ZFP90: variants seen among roughly 807,000 people sequenced by gnomAD.
ZFP90 encodes ZFP90 zinc finger protein, also known as zinc finger protein 90 homolog.
In ZFP90, 38 loss-of-function variants were observed where a neutral mutation model predicts 60.8. The ratio of observed to expected loss-of-function variants is 0.62; its 90% CI spans 0.48 to 0.82. The LOEUF is 0.82. Among genes scored for constraint, ZFP90 ranks in the 40% least tolerant of loss-of-function variants. The pLI, the probability that ZFP90 is intolerant of heterozygous loss-of-function variation, is 0.00. For missense variants in ZFP90, 711 were observed against 759.1 expected, an observed-to-expected ratio of 0.94 and a Z score of 0.74; for synonymous variants, 287 against 264.8, an observed-to-expected ratio of 1.08 and a Z score of -0.82.
chr16:68,534,229 C>CTTTTTTTTTTTTTTT lies in ZFP90; in HGVS notation c.-36+377_-36+378insTTTTTTTTTTTTTTT, dbSNP rs1555496914. 3.7e-5 allele frequency among the ~76,000 whole-genome samples: 5 copies of CTTTTTTTTTTTTTTT among 135,148 alleles called. 2 individuals carry two copies. The highest frequency in any genetic ancestry group is 5.6e-5 in the African/African-American group (2 of 35,640). The allele number at this position is 135,148 out of a possible 152,430, so 88.7% of individuals were successfully genotyped here. A position where few individuals can be genotyped will look rare whatever the true frequency, so the allele number is the denominator to read the frequency against. The stretch of plus-strand genomic sequence containing the variant: ...CATTTTTAACTTAAAGATTTTCTTT[C>CTTTTTTTTTTTTTTT]TTTCTTTTTTTTTTTTTGAGACAGC... On this transcript the variant is annotated intron_variant, in intron 2 of 3. Coordinates refer to the ZFP90 transcript ENST00000569109.
chr16:68,557,849 A>G, intron 2 of ZFP90, 149 bp from the exon 3 acceptor site: 2 of 1,100,430 alleles, frequency 1.8e-6, no homozygotes, highest in Non-Finnish European at 2.6e-6. Flanking sequence ...AAAATTATGT[A>G]AACAATAAGT....
chr16:68,564,496 A>G lies in ZFP90; in HGVS notation c.1709A>G (p.Gln570Arg), dbSNP rs1597752587. 6.2e-7 allele frequency: 1 copy of G among 1,614,124 alleles called. No individual in the cohort carries two copies. The highest frequency in any genetic ancestry group is 8.5e-7 in the Non-Finnish European group (1 of 1,179,968). ...KAFSQSSSLI[Q>R]HERTHTGEKP... ...TTTAGTCAAAGTTCATCTCTCATTC[A>G]GCATGAGAGAACTCATACTGGAGAG... The change falls in exon 5 of 5, where the codon CAG (glutamine) becomes CGG (arginine). Residue 570 changes from glutamine (Q) to arginine (R), a missense_variant. Physicochemically the swap from Gln to Arg is conservative, Grantham distance 43. This residue lies in a region of ZFP90 where 295 missense variants were observed against 274.0 expected (regional missense o/e 1.08). Coordinates refer to ENST00000563169, the MANE Select transcript of ZFP90 (RefSeq NM_001305203.2).
intron 4 of ZFP90, among the ~76,000 whole-genome samples, chr16:68,559,661 G>A (rs914459961): frequency 6.6e-6 from 1 of 151,602 alleles, no homozygotes; most frequent in Non-Finnish European, 1.5e-5. Context: ...TCTGCCTCCC[G>A]GGCTCAAGCA....
At chr16:68,539,675 T>C in intron 1 of ZFP90, 83 bp from the exon 2 acceptor site, 1 of 1,083,380 alleles carries the variant, frequency 9.2e-7, no homozygotes, top group South Asian at 1.6e-5. Flanking sequence ...GGAGATGTGG[T>C]TTAGGGGCGG....
intron 2 of ZFP90, among the ~76,000 whole-genome samples, chr16:68,548,910 G>A (rs761016446): frequency 5.3e-5 from 8 of 151,974 alleles, no homozygotes; most frequent in South Asian, 2.1e-4. Flanking sequence ...TAATGCCATC[G>A]TTTTTCTGTT....
At chr16:68,534,515 A>G (rs1401588411), upstream of ZFP90, among the ~76,000 whole-genome samples, 1 of 150,512 alleles carries the variant, frequency 6.6e-6, no homozygotes, top group African/African-American at 2.4e-5. Context: ...GGCGTGAGCC[A>G]CTGCGCCCGG....
At chr16:68,540,597 A>AG (rs2091024246) in intron 2 of ZFP90, among the ~76,000 whole-genome samples, 1 of 152,116 alleles carries the variant, frequency 6.6e-6, no homozygotes, top group Admixed American at 6.5e-5. Flanking sequence ...TGTATCTTTG[A>AG]ATCTACATTC....
rs2091507908 is a variant in ZFP90, at chr16:68,565,328, G to A, written c.*630G>A. ...CCTTGCCAGTGAAAAGGTTATTTTTGGACTCAGAGGGCTTTAAAATAAATT... is the reference window on the plus strand; with the variant it reads ...CCTTGCCAGTGAAAAGGTTATTTTTAGACTCAGAGGGCTTTAAAATAAATT... On this transcript the variant is annotated 3_prime_UTR_variant, in exon 5 of 5. Coordinates refer to ENST00000563169, the MANE Select transcript of ZFP90 (RefSeq NM_001305203.2). 3.0e-6 allele frequency: 3 copies of A among 985,504 alleles called. No homozygotes were observed. Among genetic ancestry groups the A allele is most frequent in the Non-Finnish European group, 3.6e-6 (3 of 829,928 alleles). The allele number at this position is 985,504 out of a possible 1,614,324, so 61.0% of individuals were successfully genotyped here.
In ZFP90 at chr16:68,565,268, A is replaced by T. The variant is rs1206867888; in HGVS notation, c.*570A>T. The T allele has an allele frequency of 1.0e-5, 10 of 985,194 alleles. No homozygotes were observed. Among genetic ancestry groups the T allele is most frequent in the Non-Finnish European group, 1.2e-5 (10 of 829,694 alleles). 61.0% of individuals were successfully genotyped at this position (985,194 alleles called of 1,614,324 possible). The stretch of plus-strand genomic sequence containing the variant: ...CAGCCTATAAGGGTAAAGCTGGGTT[A>T]AAAATGCAGGTTTCCTGGATTTGGG... On this transcript the variant is annotated 3_prime_UTR_variant, in exon 5 of 5. Coordinates refer to ENST00000563169, the MANE Select transcript of ZFP90 (RefSeq NM_001305203.2).
At chr16:68,558,636 A>G (rs1263644956) in intron 4 of ZFP90, 68 bp downstream of exon 4, 9 of 1,375,000 alleles carry the variant, frequency 6.5e-6, no homozygotes, top group Non-Finnish European at 8.2e-6. Flanking sequence ...AGGGGGAGAT[A>G]CCCTCCAGCA....
upstream of ZFP90, among the ~76,000 whole-genome samples, chr16:68,534,644 G>A (rs888330261): frequency 2.6e-5 from 4 of 151,566 alleles, no homozygotes; most frequent in African/African-American, 9.7e-5. Context: ...AGTGGCTCAC[G>A]CCTGTAATCC....
chr16:68,570,048 A>G (rs9932790), downstream of ZFP90, among the ~76,000 whole-genome samples: 1 of 65,338 alleles, frequency 1.5e-5, no homozygotes, highest in Admixed American at 1.4e-4. Context: ...GTGTGTGTGT[A>G]TACGTGTGTG....
intron 2 of ZFP90, among the ~76,000 whole-genome samples, chr16:68,552,608 A>G (rs1247300466): frequency 1.3e-5 from 2 of 152,184 alleles, no homozygotes; most frequent in Non-Finnish European, 2.9e-5. Context: ...TCTGGTTTCA[A>G]GGAGCTGTAA....
At chr16:68,569,305 T>C (rs1169691750), downstream of ZFP90, among the ~76,000 whole-genome samples, 1 of 152,008 alleles carries the variant, frequency 6.6e-6, no homozygotes, top group Non-Finnish European at 1.5e-5. Context: ...CCCAGCTATT[T>C]TTTGTATTTT....
upstream of ZFP90, among the ~76,000 whole-genome samples, chr16:68,537,399 T>C (rs2090969156): frequency 6.6e-6 from 1 of 151,998 alleles, no homozygotes; most frequent in Non-Finnish European, 1.5e-5. Flanking sequence ...GTGCTGGGAT[T>C]ACAGGCGTGA....
At chr16:68,559,629 G>A (rs964031477) in intron 4 of ZFP90, among the ~76,000 whole-genome samples, 2 of 152,056 alleles carry the variant, frequency 1.3e-5, no homozygotes, top group Admixed American at 6.6e-5. Context: ...GTGCAGTGGT[G>A]TGATCTCGGC....
rs755870188 is a variant in ZFP90, at chr16:68,540,550, C to T, written c.33+725C>T. Among the ~76,000 whole-genome samples, 43 of 152,244 alleles carry T rather than the reference C, an allele frequency of 2.8e-4. No individual in the cohort carries two copies. The Middle Eastern group carries it at 0.01, about 36-fold the overall frequency. ...AACTCTAAGGTTATCCATTGATTTA[C>T]ATATTGGTGAAAATACATCAAGATC... On this transcript the variant is annotated intron_variant, in intron 2 of 4. Coordinates refer to ENST00000563169, the MANE Select transcript of ZFP90 (RefSeq NM_001305203.2).
downstream of ZFP90, chr16:68,567,276 C>A: frequency 1.7e-6 from 1 of 581,146 alleles, no homozygotes; most frequent in Non-Finnish European, 2.2e-6. Context: ...ACTTTAAAGA[C>A]ATTGTGCTAG....
intron 2 of ZFP90, among the ~76,000 whole-genome samples, chr16:68,549,610 C>T (rs931469016): frequency 1.3e-4 from 17 of 135,282 alleles, no homozygotes; most frequent in African/African-American, 3.7e-4. Context: ...ACCTGGGAAG[C>T]GGAGCTTGCA....
Sources: gnomAD v4.1 joint callset for allele counts (sites outside exome capture counted in the v4.1 genomes callset) on GRCh38, gnomAD v4.1.1 for gene constraint, gnomAD v4.1.1 regional missense constraint, MANE v1.5 for transcripts, NCBI Gene and HGNC (gene_info 2026-07-23, HGNC 2026-07-21) for gene names.